Variants in MAP3K1 observed in about 807,000 individuals in gnomAD.
The protein encoded by MAP3K1 is mitogen-activated protein kinase kinase kinase 1, also known as MAP/ERK kinase kinase 1.
Under a neutral mutation model 144.2 loss-of-function variants are expected in MAP3K1, and 36 were observed. The ratio of observed to expected loss-of-function variants is 0.25; its 90% CI spans 0.19 to 0.33. The LOEUF is 0.33. Among genes scored for constraint, MAP3K1 ranks in the 10% least tolerant of loss-of-function variants. The probability of loss-of-function intolerance (pLI) is 1.00; values close to 1 mark genes in which losing one functional copy is unlikely to be tolerated. For synonymous variants in MAP3K1, 718 were observed against 688.7 expected (o/e 1.04, Z -0.67); for missense variants, 1,650 against 1,881.9 (o/e 0.88, Z 2.28).
chr5:56,815,602 C>G lies in MAP3K1; in HGVS notation c.29C>G (p.Ser10Trp). The G allele has an allele frequency of 7.6e-7, 1 of 1,308,006 alleles. No homozygotes were observed. The highest frequency in any genetic ancestry group is 9.7e-7 in the Non-Finnish European group (1 of 1,029,308). 81.0% of individuals were successfully genotyped at this position (1,308,006 alleles called of 1,614,324 possible). Residue 10 changes from serine (S) to tryptophan (W), a missense_variant, in exon 1 of 20, where the codon TCG becomes TGG. By Grantham distance (177) the Ser-to-Trp change is radical (BLOSUM62 -3). Transcript: ENST00000399503. MAAAAGNRA[S>W]SSGFPGARAT... ...GCGGCGGCGGCGGGGAATCGCGCCT[C>G]GTCGTCGGGATTCCCGGGCGCCAGG...
chr5:56,886,234 T>C (rs1354721456), intron 17 of MAP3K1, among the ~76,000 whole-genome samples, 171 bp downstream of exon 17: 1 of 152,098 alleles, frequency 6.6e-6, no homozygotes, highest in African/African-American at 2.4e-5. Flanking sequence ...TGAAACCCTG[T>C]CTCTACTAAA....
At chr5:56,866,111 G>A (rs967183404) in intron 6 of MAP3K1, 134 bp downstream of exon 6, 5 of 887,852 alleles carry the variant, frequency 5.6e-6, no homozygotes, top group South Asian at 1.5e-5. Context: ...TTAAAATCAA[G>A]GGTGAAGATA....
At position 56,875,367 on chromosome 5, in the gene MAP3K1, C is replaced by A. The variant is rs1331846463; in HGVS notation, c.1965+57C>A. The A allele has an allele frequency of 2.5e-6, 4 of 1,572,188 alleles. No individual in the cohort carries two copies. In the South Asian group the frequency reaches 4.5e-5, roughly 18 times the overall value. The stretch of plus-strand genomic sequence containing the variant: ...ATGGGTTTGGGGTTTTTTGATGGTT[C>A]GTAGATAGTGTTTTTAAGATACAAT... On this transcript the variant is annotated intron_variant, in intron 10 of 19. Transcript: ENST00000399503.
chr5:56,834,495 T>A (rs832586), intron 1 of MAP3K1, among the ~76,000 whole-genome samples: 1 of 152,066 alleles, frequency 6.6e-6, no homozygotes, highest in Admixed American at 6.5e-5. Flanking sequence ...GGGTGGATCA[T>A]GAGGTCAGGA....
At chr5:56,850,110 T>C (rs78315959) in intron 1 of MAP3K1, among the ~76,000 whole-genome samples, 10 of 152,358 alleles carry the variant, frequency 6.6e-5, no homozygotes, top group Non-Finnish European at 1.0e-4. Flanking sequence ...GCTCTTGTCC[T>C]TTACCTGGAA....
intron 10 of MAP3K1, among the ~76,000 whole-genome samples, chr5:56,876,464 C>G (rs551304951): frequency 6.6e-6 from 1 of 152,314 alleles, no homozygotes; most frequent in East Asian, 1.9e-4. Context: ...CCTAATGAAT[C>G]TTCTTGACAG....
chr5:56,875,948 A>T (rs539157188), intron 10 of MAP3K1, among the ~76,000 whole-genome samples: 1 of 152,290 alleles, frequency 6.6e-6, no homozygotes, highest in South Asian at 2.1e-4. Flanking sequence ...TTTAATAAAC[A>T]TTGTCATGTG....
intron 1 of MAP3K1, among the ~76,000 whole-genome samples, chr5:56,840,268 C>T (rs1746773652): frequency 6.6e-6 from 1 of 152,206 alleles, no homozygotes; most frequent in Non-Finnish European, 1.5e-5. Context: ...CTGCCTCAGC[C>T]TCCCAGTTAG....
At chr5:56,843,392 A>G (rs370253406) in intron 1 of MAP3K1, among the ~76,000 whole-genome samples, 52 of 152,342 alleles carry the variant, frequency 3.4e-4, no homozygotes, top group Non-Finnish European at 4.3e-4. Flanking sequence ...AAGATGCACA[A>G]TGTTCCCACT....
chr5:56,894,787 C>T lies in MAP3K1; in HGVS notation c.*1107C>T, dbSNP rs1748653966. 4.3e-6 allele frequency: 1 copy of T among 231,964 alleles called. No homozygotes were observed. The highest frequency in any genetic ancestry group is 2.2e-5 in the African/African-American group (1 of 45,280). 14.4% of individuals were successfully genotyped at this position (231,964 alleles called of 1,614,324 possible). A position where few individuals can be genotyped will look rare whatever the true frequency, so the allele number is the denominator to read the frequency against. On this transcript the variant is annotated 3_prime_UTR_variant, in exon 20 of 20. Transcript: ENST00000399503. ...CAGATCATTTTTTAAAAAGATTATTCAACTACCAATCAGTAATGTTTTTAA... is the reference window on the plus strand; with the variant it reads ...CAGATCATTTTTTAAAAAGATTATTTAACTACCAATCAGTAATGTTTTTAA...
At position 56,865,827 on chromosome 5, in the gene MAP3K1, A is replaced by C; in HGVS notation, c.1153-2A>C. On this transcript the variant is annotated splice_acceptor_variant, in intron 5 of 19. Transcript: ENST00000399503. LOFTEE classifies it high-confidence loss of function. ...ATTGTTACTGTCTTTTTCCAATGTTAGGTTGAGAGTTTGTTCCAGAAATAT... is the reference window on the plus strand; with the variant it reads ...ATTGTTACTGTCTTTTTCCAATGTTCGGTTGAGAGTTTGTTCCAGAAATAT... The C allele has an allele frequency of 6.2e-7, 1 of 1,613,976 alleles. No individual in the cohort carries two copies. The highest frequency in any genetic ancestry group is 8.5e-7 in the Non-Finnish European group (1 of 1,179,824).
Position 56,893,623 on chromosome 5 carries a change from G to C in MAP3K1, c.4482G>C (p.Gln1494His). The C allele has an allele frequency of 6.2e-7, 1 of 1,613,984 alleles. No individual in the cohort carries two copies. The highest frequency in any genetic ancestry group is 1.1e-5 in the South Asian group (1 of 91,086). Residue 1494 changes from glutamine (Q) to histidine (H), a missense_variant, in exon 20 of 20, where the codon CAG (glutamine) becomes CAC (histidine). Gln to His is a conservative substitution (Grantham distance 24, BLOSUM62 0). This residue lies in a region of MAP3K1 where 165 missense variants were observed against 322.9 expected (regional missense o/e 0.51). Transcript: ENST00000399503. ...TTCGTTGTTTAGAACTTCAACCTCA[G>C]GACAGACCTCCATCAAGAGAGCTAC... ...VALRCLELQPQDRPPSRELLK... is the reference protein window; with the variant it reads ...VALRCLELQPHDRPPSRELLK...
chr5:56,859,569 A>T, intron 2 of MAP3K1, 146 bp from the exon 3 acceptor site: 1 of 629,706 alleles, frequency 1.6e-6, no homozygotes, highest in Non-Finnish European at 2.8e-6. Flanking sequence ...GCTTAAAGTA[A>T]TAATAAAAGT....
At position 56,873,038 on chromosome 5, in the gene MAP3K1, A is replaced by T. The variant is rs1220463077; in HGVS notation, c.1686+33A>T. On this transcript the variant is annotated intron_variant, in intron 9 of 19. Coordinates refer to ENST00000399503, the MANE Select transcript of MAP3K1 (RefSeq NM_005921.2). The stretch of plus-strand genomic sequence containing the variant: ...GTTCTTTGTTTTTCATTTCTCAAAG[A>T]AATATTTATAGATCAATTAATGTAT... The T allele has an allele frequency of 1.9e-6, 3 of 1,575,810 alleles. No homozygotes were observed. The Admixed American group carries it at 5.1e-5, about 27-fold the overall frequency.
chr5:56,879,312 T>C (rs893087503), intron 11 of MAP3K1, among the ~76,000 whole-genome samples: 18 of 152,188 alleles, frequency 1.2e-4, no homozygotes, highest in African/African-American at 3.6e-4. Context: ...GCAAACAAAC[T>C]GCATGGATCT....
intron 1 of MAP3K1, among the ~76,000 whole-genome samples, chr5:56,817,805 T>TA (rs1746025249): frequency 1.3e-5 from 2 of 152,234 alleles, no homozygotes; most frequent in Non-Finnish European, 2.9e-5. Context: ...CTAGTACTCT[T>TA]AATGAGCTGT....
chr5:56,816,962 A>G (rs1581200425), intron 1 of MAP3K1: 1 of 438,368 alleles, frequency 2.3e-6, no homozygotes, highest in East Asian at 1.6e-4. Context: ...TGCTCCCCGC[A>G]GCCCCTCCGG....
At chr5:56,888,599 A>G (rs1446845016) in intron 19 of MAP3K1, among the ~76,000 whole-genome samples, 4 of 152,244 alleles carry the variant, frequency 2.6e-5, no homozygotes, top group Admixed American at 6.5e-5. Flanking sequence ...AATATGTGCT[A>G]TGATACACTG....
intron 1 of MAP3K1, among the ~76,000 whole-genome samples, chr5:56,823,864 TTAA>T (rs1309423206): frequency 6.6e-6 from 1 of 152,202 alleles, no homozygotes; most frequent in Non-Finnish European, 1.5e-5. Context: ...TATTCTGTAC[TTAA>T]TAGGGAGTTA....
Sources: allele counts gnomAD v4.1 joint callset (sites outside exome capture counted in the v4.1 genomes callset), GRCh38; gene constraint gnomAD v4.1.1; regional missense constraint gnomAD v4.1.1; transcripts MANE v1.5; gene names NCBI Gene and HGNC (gene_info 2026-07-23, HGNC 2026-07-21).